The following MINDY3 variants were observed in gnomAD, a reference collection of about 807,000 sequenced individuals.
The protein encoded by MINDY3 is MINDY lysine 48 deubiquitinase 3, also known as ubiquitin carboxyl-terminal hydrolase MINDY-3.
A neutral mutation model predicts 69.2 loss-of-function variants in MINDY3; 38 were observed. The observed-to-expected ratio is 0.55, with a 90% confidence interval of 0.42 to 0.72. The LOEUF (loss-of-function observed/expected upper bound fraction) is 0.72. Ranked by LOEUF, MINDY3 falls within the 30% of genes least tolerant of loss-of-function variation. The pLI is 0.00. For missense variants in MINDY3, 522 were observed against 519.0 expected, an observed-to-expected ratio of 1.01 and a Z score of -0.06; for synonymous variants, 192 against 180.1, an observed-to-expected ratio of 1.07 and a Z score of -0.53.
chr10:15,790,034 T>C (rs1837292980), intron 11 of MINDY3, among the ~76,000 whole-genome samples: 1 of 152,086 alleles, frequency 6.6e-6, no homozygotes, highest in African/African-American at 2.4e-5. Flanking sequence ...ATTTTCCCTA[T>C]CCATTTACTC....
chr10:15,799,176 A>G (rs1838069403), intron 10 of MINDY3, among the ~76,000 whole-genome samples: 1 of 151,876 alleles, frequency 6.6e-6, no homozygotes, highest in South Asian at 2.1e-4. Flanking sequence ...AATATATTAC[A>G]TATTTTTTCC....
In MINDY3 at chr10:15,833,699, T is replaced by C. The variant is rs1209567731; in HGVS notation, c.661A>G (p.Ile221Val). 6.2e-7 allele frequency: 1 copy of C among 1,608,042 alleles called. No homozygotes were observed. The highest frequency in any genetic ancestry group is 1.7e-5 in the Admixed American group (1 of 59,958). Residue 221 changes from isoleucine to valine, a missense_variant, in exon 8 of 15, where the codon ATT becomes GTT. By Grantham distance (29) the Ile-to-Val change is conservative (BLOSUM62 3). Transcript: ENST00000277632. ...PVYGHGSQSLINLLLTGHAVS... is the reference protein window; with the variant it reads ...PVYGHGSQSLVNLLLTGHAVS... ...GCATGTCCCGTCAGCAGGAGATTAA[T>C]TAAACTTTGGCTATTAATAAATATT...
At chr10:15,847,978 A>T in intron 1 of MINDY3, 35 bp from the exon 2 acceptor site, 2 of 1,523,358 alleles carry the variant, frequency 1.3e-6, no homozygotes, top group Non-Finnish European at 1.8e-6. Flanking sequence ...GATTAAAAAT[A>T]TAATTCAAGT....
chr10:15,824,277 C>A (rs556213869), intron 8 of MINDY3, among the ~76,000 whole-genome samples: 1 of 152,120 alleles, frequency 6.6e-6, no homozygotes, highest in Non-Finnish European at 1.5e-5. Flanking sequence ...TCTCTATCTT[C>A]GCCACACTTT....
intron 1 of MINDY3, among the ~76,000 whole-genome samples, chr10:15,850,775 T>C (rs891689274): frequency 1.3e-5 from 2 of 152,174 alleles, no homozygotes; most frequent in Non-Finnish European, 1.5e-5. Context: ...GATATTTTAT[T>C]GCCCTTAAAG....
chr10:15,843,820 T>A (rs904390617), intron 2 of MINDY3, among the ~76,000 whole-genome samples: 1 of 152,092 alleles, frequency 6.6e-6, no homozygotes, highest in African/African-American at 2.4e-5. Flanking sequence ...GAGTCAACGA[T>A]GTTACATTGG....
rs1387104783 is a variant in MINDY3, at chr10:15,841,683, TTAA to T, written c.236-87_236-85del. 3.9e-6 allele frequency: 3 copies of T among 762,046 alleles called. No individual in the cohort carries two copies. In the African/African-American group the frequency reaches 5.4e-5, roughly 14 times the overall value. The allele number at this position is 762,046 out of a possible 1,614,324, so 47.2% of individuals were successfully genotyped here. A position where few individuals can be genotyped will look rare whatever the true frequency, so the allele number is the denominator to read the frequency against. On this transcript the variant is annotated intron_variant, in intron 3 of 14. Coordinates refer to ENST00000277632, the MANE Select transcript of MINDY3 (RefSeq NM_024948.4). ...CATGAATAACAATAGTAAGAATGGGTTAATGATGAAAATCAAGCATTTTAAAAA... is the reference window on the plus strand; with the variant it reads ...CATGAATAACAATAGTAAGAATGGGTTGATGAAAATCAAGCATTTTAAAAA...
At chr10:15,807,193 C>T (rs981124440) in intron 10 of MINDY3, among the ~76,000 whole-genome samples, 6 of 152,156 alleles carry the variant, frequency 3.9e-5, no homozygotes, top group African/African-American at 1.4e-4. Flanking sequence ...TAAACACTCA[C>T]AGTAAACTAT....
chr10:15,817,007 C>A, intron 9 of MINDY3, 92 bp from the exon 10 acceptor site: 1 of 912,922 alleles, frequency 1.1e-6, no homozygotes, highest in Non-Finnish European at 1.7e-6. Flanking sequence ...CATAAAGTGT[C>A]CAATTTGTAT....
chr10:15,799,695 G>C (rs1838113979), intron 10 of MINDY3, among the ~76,000 whole-genome samples: 1 of 152,104 alleles, frequency 6.6e-6, no homozygotes. Context: ...AACTGAAAAA[G>C]GTGAACAGGA....
intron 2 of MINDY3, among the ~76,000 whole-genome samples, chr10:15,843,682 G>A (rs1473700665): frequency 6.6e-6 from 1 of 152,036 alleles, no homozygotes; most frequent in Non-Finnish European, 1.5e-5. Flanking sequence ...TGTTCCCTTA[G>A]TCTTCATCTG....
intron 10 of MINDY3, among the ~76,000 whole-genome samples, chr10:15,802,525 C>T (rs769340046): frequency 1.1e-4 from 17 of 152,052 alleles, no homozygotes; most frequent in South Asian, 2.1e-4. Flanking sequence ...ATGACTCAAT[C>T]GCCTCCCACC....
At position 15,797,714 on chromosome 10, in the gene MINDY3, C is replaced by T. The variant is rs150525820; in HGVS notation, c.883-1542G>A. 3.1e-3 allele frequency among the ~76,000 whole-genome samples: 473 copies of T among 152,208 alleles called. 3 individuals carry two copies. The highest frequency in any genetic ancestry group is 0.011 in the African/African-American group (450 of 41,546). The stretch of plus-strand genomic sequence containing the variant: ...CCTCTTTCCTTTTTCTGATACATTA[C>T]CAATACAGCCTTAGCTCTATAATTA... On this transcript the variant is annotated intron_variant, in intron 10 of 14. Transcript: ENST00000277632.
chr10:15,843,855 G>C (rs1833650986), intron 2 of MINDY3, among the ~76,000 whole-genome samples: 1 of 152,118 alleles, frequency 6.6e-6, no homozygotes, highest in Non-Finnish European at 1.5e-5. Flanking sequence ...GCTGCACAGT[G>C]AAGTGTCTAC....
At chr10:15,829,814 G>T (rs1429459052) in intron 8 of MINDY3, among the ~76,000 whole-genome samples, 2 of 152,200 alleles carry the variant, frequency 1.3e-5, no homozygotes, top group South Asian at 4.1e-4. Flanking sequence ...GCTTGCGCTA[G>T]GCAGCATATA....
intron 13 of MINDY3, among the ~76,000 whole-genome samples, chr10:15,782,960 G>A (rs1426408365): frequency 6.6e-6 from 1 of 152,160 alleles, no homozygotes; most frequent in African/African-American, 2.4e-5. Flanking sequence ...CTGGCTCCCA[G>A]TGATTTCCCT....
At position 15,782,217 on chromosome 10, in the gene MINDY3, C is replaced by T; in HGVS notation, c.1126G>A (p.Gly376Ser). The T allele has an allele frequency of 6.2e-7, 1 of 1,601,864 alleles. No homozygotes were observed. The highest frequency in any genetic ancestry group is 8.5e-7 in the Non-Finnish European group (1 of 1,171,618). ...QEFFPDQGSS[G>S]PESFTVYHYN... ...TGGTAGACAGTAAAAGATTCTGGAC[C>T]ACTGGAGCCCTATTATAAATAAAGG... Residue 376 changes from glycine to serine, a missense_variant, in exon 14 of 15, where the codon GGT (glycine) becomes AGT (serine). Physicochemically the swap from Gly to Ser is moderately conservative, Grantham distance 56. Coordinates refer to ENST00000277632, the MANE Select transcript of MINDY3 (RefSeq NM_024948.4).
In MINDY3 at chr10:15,783,765, C is replaced by T. The variant is rs57043351; in HGVS notation, c.1117-1539G>A. On this transcript the variant is annotated intron_variant, in intron 13 of 14. Transcript: ENST00000277632. ...CAGAAAATAGAAAAATCAATTTGATCGTTTCCTTAATTACAGGAGTCATTG... is the reference window on the plus strand; with the variant it reads ...CAGAAAATAGAAAAATCAATTTGATTGTTTCCTTAATTACAGGAGTCATTG... Among the ~76,000 whole-genome samples the T allele has an allele frequency of 3.2e-3, 482 of 152,164 alleles. 13 individuals carry two copies. In the East Asian group the frequency reaches 0.074, roughly 23 times the overall value.
At chr10:15,821,766 G>T in intron 8 of MINDY3, 40 bp from the exon 9 acceptor site, 1 of 1,532,620 alleles carries the variant, frequency 6.5e-7, no homozygotes, top group Non-Finnish European at 9.0e-7. Flanking sequence ...CGAAAACTTA[G>T]CATTGTAGTA....
Sources: gnomAD v4.1 joint callset for allele counts (sites outside exome capture counted in the v4.1 genomes callset) on GRCh38, gnomAD v4.1.1 for gene constraint, MANE v1.5 for transcripts, NCBI Gene and HGNC (gene_info 2026-07-23, HGNC 2026-07-21) for gene names.